The following SNX3 variants were observed in gnomAD, a reference collection of about 807,000 sequenced individuals.
SNX3 encodes sorting nexin 3.
Under a neutral mutation model 17.7 loss-of-function variants are expected in SNX3, and 5 were observed. The ratio of observed to expected loss-of-function variants is 0.28; its 90% CI spans 0.15 to 0.59. The LOEUF (loss-of-function observed/expected upper bound fraction) is 0.59. Ranked by LOEUF, SNX3 falls within the 20% of genes least tolerant of loss-of-function variation. SNX3 has a pLI of 0.88. For synonymous variants in SNX3, 91 were observed against 76.5 expected (o/e 1.19, Z -0.99); for missense variants, 132 against 206.8 (o/e 0.64, Z 2.22).
chr6:108,229,315 T>C (rs1775068116), intron 1 of SNX3, among the ~76,000 whole-genome samples: 1 of 150,120 alleles, frequency 6.7e-6, no homozygotes, highest in African/African-American at 2.4e-5. Flanking sequence ...CATAATACCA[T>C]TTGTATAATA....
intron 1 of SNX3, among the ~76,000 whole-genome samples, chr6:108,242,252 A>G (rs564323140): frequency 4.6e-5 from 7 of 152,218 alleles, no homozygotes; most frequent in Middle Eastern, 3.2e-3. Flanking sequence ...GATGAGAGAA[A>G]GAAACAATAA....
At chr6:108,231,743 C>T (rs1348646960) in intron 1 of SNX3, among the ~76,000 whole-genome samples, 1 of 152,170 alleles carries the variant, frequency 6.6e-6, no homozygotes, top group African/African-American at 2.4e-5. Flanking sequence ...TTCGAACTTA[C>T]AGAACTATCA....
chr6:108,227,706 T>C (rs751653226), intron 1 of SNX3, among the ~76,000 whole-genome samples: 56 of 152,208 alleles, frequency 3.7e-4, no homozygotes, highest in Non-Finnish European at 5.4e-4. Flanking sequence ...AAACATCACT[T>C]GCCCATTACA....
chr6:108,227,828 G>T lies in SNX3; in HGVS notation c.163-4783C>A, dbSNP rs867298361. On this transcript the variant is annotated intron_variant, in intron 1 of 3. Coordinates refer to ENST00000230085, the MANE Select transcript of SNX3 (RefSeq NM_003795.6). ...TGCAAAATGTGGGTTTTTTTTTTTT[G>T]TTGTTGTTGTTGTTTAAGGTACTGA... 1.4e-3 allele frequency among the ~76,000 whole-genome samples: 197 copies of T among 145,702 alleles called. No individual in the cohort carries two copies. In the Middle Eastern group the frequency reaches 0.019, roughly 14 times the overall value.
At chr6:108,232,173 T>C (rs897784028) in intron 1 of SNX3, among the ~76,000 whole-genome samples, 1 of 152,210 alleles carries the variant, frequency 6.6e-6, no homozygotes, top group Admixed American at 6.5e-5. Context: ...TTTGTTCTAA[T>C]ATACCAGGAA....
intron 1 of SNX3, among the ~76,000 whole-genome samples, chr6:108,229,116 C>G (rs1212435193): frequency 6.6e-6 from 1 of 151,702 alleles, no homozygotes; most frequent in Non-Finnish European, 1.5e-5. Context: ...AAACATTAGC[C>G]GGGTGAGGTG....
intron 1 of SNX3, among the ~76,000 whole-genome samples, chr6:108,238,723 A>G (rs1173410429): frequency 3.3e-5 from 5 of 152,200 alleles, no homozygotes; most frequent in African/African-American, 1.2e-4. Context: ...TTTATTCACT[A>G]AGGCTGTATC....
chr6:108,226,905 C>T (rs900462256), intron 1 of SNX3, among the ~76,000 whole-genome samples: 3 of 152,192 alleles, frequency 2.0e-5, no homozygotes, highest in Non-Finnish European at 4.4e-5. Flanking sequence ...CTTGAATTTT[C>T]TTTCCCAGGT....
At chr6:108,258,445 G>A (rs1404536605) in intron 1 of SNX3, among the ~76,000 whole-genome samples, 6 of 146,640 alleles carry the variant, frequency 4.1e-5, no homozygotes, top group Admixed American at 6.9e-5. Flanking sequence ...GCAACAGAGC[G>A]AGACTCCGTC....
chr6:108,220,860 A>AAG (rs1475974575), intron 2 of SNX3, among the ~76,000 whole-genome samples: 1 of 152,034 alleles, frequency 6.6e-6, no homozygotes, highest in Admixed American at 6.6e-5. Context: ...GGGTGCCTGT[A>AAG]ATCCCAGCTA....
chr6:108,258,660 C>T (rs1186426324), intron 1 of SNX3, among the ~76,000 whole-genome samples: 3 of 151,890 alleles, frequency 2.0e-5, no homozygotes, highest in South Asian at 2.1e-4. Flanking sequence ...CAGGGATGCG[C>T]GCCACCACGC....
intron 2 of SNX3, chr6:108,222,319 G>A (rs1293924713): frequency 7.7e-7 from 1 of 1,304,018 alleles, no homozygotes; most frequent in Non-Finnish European, 1.0e-6. Context: ...TCTGAGGCAG[G>A]GCTGAAATGA....
chr6:108,245,640 C>A (rs1447875605), intron 1 of SNX3, among the ~76,000 whole-genome samples: 1 of 152,174 alleles, frequency 6.6e-6, no homozygotes, highest in Non-Finnish European at 1.5e-5. Flanking sequence ...TTTTTAACGA[C>A]TGCCATTCTA....
chr6:108,248,629 A>G (rs759910093), intron 1 of SNX3, among the ~76,000 whole-genome samples: 1 of 152,358 alleles, frequency 6.6e-6, no homozygotes, highest in Middle Eastern at 3.4e-3. Flanking sequence ...AACGCTCTAA[A>G]ACTGCAATTT....
At chr6:108,246,436 T>C (rs1320806556) in intron 1 of SNX3, among the ~76,000 whole-genome samples, 1 of 147,046 alleles carries the variant, frequency 6.8e-6, no homozygotes, top group Non-Finnish European at 1.5e-5. Flanking sequence ...GTGATTCTCC[T>C]GCCTCAGCCT....
intron 1 of SNX3, among the ~76,000 whole-genome samples, chr6:108,238,938 G>T (rs1354424419): frequency 6.6e-6 from 1 of 151,120 alleles, no homozygotes; most frequent in Admixed American, 6.6e-5. Context: ...GTCTCACATG[G>T]TCACCCAGGC....
intron 3 of SNX3, among the ~76,000 whole-genome samples, chr6:108,212,487 G>A (rs561890500): frequency 1.3e-5 from 2 of 152,084 alleles, no homozygotes; most frequent in Admixed American, 1.3e-4. Context: ...ACAGGCGTGT[G>A]CCATCATGCC....
At chr6:108,248,888 G>C (rs1775768124) in intron 1 of SNX3, among the ~76,000 whole-genome samples, 1 of 151,978 alleles carries the variant, frequency 6.6e-6, no homozygotes. Flanking sequence ...AACCTCCTGA[G>C]TAGCTGGGAC....
intron 1 of SNX3, among the ~76,000 whole-genome samples, chr6:108,253,801 A>G (rs540772210): frequency 6.6e-6 from 1 of 152,298 alleles, no homozygotes; most frequent in Admixed American, 6.5e-5. Context: ...TCCTTGCTGC[A>G]TATAAGTGCC....
Sources: allele counts gnomAD v4.1 joint callset (sites outside exome capture counted in the v4.1 genomes callset), GRCh38; gene constraint gnomAD v4.1.1; transcripts MANE v1.5; gene names NCBI Gene and HGNC (gene_info 2026-07-23, HGNC 2026-07-21).